The following SDK1 variants were observed in gnomAD, a reference collection of about 807,000 sequenced individuals.
The protein encoded by SDK1 is sidekick cell adhesion molecule 1.
Under a neutral mutation model 245.5 loss-of-function variants are expected in SDK1, and 157 were observed. The ratio of observed to expected loss-of-function variants is 0.64; its 90% CI spans 0.56 to 0.73. The LOEUF is 0.73. Ranked by LOEUF, SDK1 falls within the 30% of genes least tolerant of loss-of-function variation. The pLI is 0.00. For missense variants in SDK1, 3,583 were observed against 3,002.3 expected, an observed-to-expected ratio of 1.19 and a Z score of -4.52; for synonymous variants, 1,647 against 1,278.5, an observed-to-expected ratio of 1.29 and a Z score of -6.15.
chr7:3,481,650 G>C (rs1781526613), intron 1 of SDK1, among the ~76,000 whole-genome samples: 1 of 152,188 alleles, frequency 6.6e-6, no homozygotes, highest in Non-Finnish European at 1.5e-5. Flanking sequence ...GGCTCACTGT[G>C]TCCCTTGGGA....
At chr7:3,870,387 T>A (rs965428663) in intron 5 of SDK1, among the ~76,000 whole-genome samples, 2 of 151,862 alleles carry the variant, frequency 1.3e-5, no homozygotes, top group African/African-American at 4.8e-5. Flanking sequence ...GTAAAAGGAG[T>A]GCTCAATAAG....
chr7:3,767,314 G>A (rs1562428442), intron 4 of SDK1, among the ~76,000 whole-genome samples: 1 of 152,090 alleles, frequency 6.6e-6, no homozygotes, highest in East Asian at 1.9e-4. Flanking sequence ...GAGAAAGTTT[G>A]AAATTGTGTC....
chr7:3,607,246 A>C (rs1039009409), intron 1 of SDK1, among the ~76,000 whole-genome samples: 1 of 152,148 alleles, frequency 6.6e-6, no homozygotes, highest in African/African-American at 2.4e-5. Context: ...TCAGTGATAA[A>C]GCTTGTTCAT....
At chr7:3,559,160 TATATA>T (rs1243323421) in intron 1 of SDK1, among the ~76,000 whole-genome samples, 16 of 152,210 alleles carry the variant, frequency 1.1e-4, no homozygotes, top group African/African-American at 2.7e-4. Context: ...ATATAGATAT[TATATA>T]ATATGTTACA....
intron 22 of SDK1, among the ~76,000 whole-genome samples, chr7:4,087,685 A>G (rs900259866): frequency 6.6e-6 from 1 of 152,198 alleles, no homozygotes; most frequent in African/African-American, 2.4e-5. Context: ...AGGCAGGAAA[A>G]TGAGGGGCGA....
intron 28 of SDK1, among the ~76,000 whole-genome samples, chr7:4,133,003 C>T (rs1297112507): frequency 6.6e-6 from 1 of 152,154 alleles, no homozygotes; most frequent in Non-Finnish European, 1.5e-5. Flanking sequence ...ACCGACCTTC[C>T]CTTCCTCTCT....
At chr7:4,226,936 A>ATTT (rs112497435) in intron 40 of SDK1, among the ~76,000 whole-genome samples, 2 of 147,694 alleles carry the variant, frequency 1.4e-5, no homozygotes, top group South Asian at 2.1e-4. Flanking sequence ...ATTGTATTGC[A>ATTT]TTTTTTTTTT....
intron 2 of SDK1, among the ~76,000 whole-genome samples, chr7:3,629,881 C>G (rs577513128): frequency 6.6e-6 from 1 of 152,118 alleles, no homozygotes; most frequent in African/African-American, 2.4e-5. Flanking sequence ...TTAGAGTTAA[C>G]AGAGAAAGAT....
chr7:3,543,591 G>A (rs1471100384), intron 1 of SDK1, among the ~76,000 whole-genome samples: 2 of 152,224 alleles, frequency 1.3e-5, no homozygotes, highest in African/African-American at 4.8e-5. Flanking sequence ...CTCGCAAGAT[G>A]TCCACCTGCT....
chr7:3,432,332 G>C (rs1402556479), intron 1 of SDK1, among the ~76,000 whole-genome samples: 2 of 151,968 alleles, frequency 1.3e-5, no homozygotes, highest in African/African-American at 4.8e-5. Flanking sequence ...CCCCAGTCAA[G>C]AATGACTGTA....
At chr7:3,775,454 C>G (rs73672170) in intron 4 of SDK1, among the ~76,000 whole-genome samples, 3,958 of 151,100 alleles carry the variant, frequency 0.026, 168 homozygotes, top group African/African-American at 0.093. Context: ...TATTTGAAGG[C>G]TGTTTCCCAG....
At chr7:3,419,351 A>C (rs1779471184) in intron 1 of SDK1, among the ~76,000 whole-genome samples, 1 of 152,244 alleles carries the variant, frequency 6.6e-6, no homozygotes, top group African/African-American at 2.4e-5. Flanking sequence ...TAAAGTCAGT[A>C]ATTAGGATCC....
In SDK1 at chr7:3,680,966, C is replaced by T. The variant is rs532594116; in HGVS notation, c.713+38861C>T. ...CAAGCGATTCTCCTGCCTCAGCCTC[C>T]GGAGTAGCTGGGACTACAGGTGCAC... is the stretch of plus-strand genomic sequence containing the variant. On this transcript the variant is annotated intron_variant, in intron 4 of 44. Coordinates refer to ENST00000404826, the MANE Select transcript of SDK1 (RefSeq NM_152744.4). Among the ~76,000 whole-genome samples, 100 of 152,254 alleles carry T rather than the reference C, an allele frequency of 6.6e-4. No homozygotes were observed. The Middle Eastern group carries it at 0.014, about 21-fold the overall frequency.
chr7:4,024,026 A>G (rs1408427677), intron 17 of SDK1, among the ~76,000 whole-genome samples: 1 of 152,226 alleles, frequency 6.6e-6, no homozygotes, highest in Admixed American at 6.5e-5. Flanking sequence ...TATGCTATAA[A>G]TCATCATTCT....
chr7:3,943,613 G>T (rs898163100), intron 5 of SDK1, among the ~76,000 whole-genome samples: 1 of 151,418 alleles, frequency 6.6e-6, no homozygotes, highest in East Asian at 2.0e-4. Context: ...TCCCCAACCC[G>T]GCGCACGGTG....
intron 4 of SDK1, among the ~76,000 whole-genome samples, chr7:3,678,630 G>A (rs1168727849): frequency 6.6e-6 from 1 of 152,206 alleles, no homozygotes; most frequent in African/African-American, 2.4e-5. Flanking sequence ...CCTGGGGGGA[G>A]GGAGAGATGG....
At chr7:3,973,125 C>G (rs969630396) in intron 12 of SDK1, among the ~76,000 whole-genome samples, 1 of 152,176 alleles carries the variant, frequency 6.6e-6, no homozygotes, top group Admixed American at 6.5e-5. Context: ...GTTACTCGCT[C>G]TCGGGGTGCC....
At chr7:3,627,273 G>T (rs1180112741) in intron 2 of SDK1, among the ~76,000 whole-genome samples, 1 of 152,082 alleles carries the variant, frequency 6.6e-6, no homozygotes, top group African/African-American at 2.4e-5. Context: ...CTATTAGTGT[G>T]GCTACTTCCA....
intron 4 of SDK1, among the ~76,000 whole-genome samples, chr7:3,730,391 G>C (rs921775561): frequency 1.2e-4 from 18 of 152,168 alleles, no homozygotes; most frequent in African/African-American, 4.3e-4. Flanking sequence ...CCAGTGAATA[G>C]AACTTTGCCA....
Sources: gnomAD v4.1 joint callset for allele counts (sites outside exome capture counted in the v4.1 genomes callset) on GRCh38, gnomAD v4.1.1 for gene constraint, MANE v1.5 for transcripts, NCBI Gene and HGNC (gene_info 2026-07-23, HGNC 2026-07-21) for gene names.